LRR1: variants seen among roughly 807,000 people sequenced by gnomAD.
LRR1 encodes leucine-rich repeat protein 1.
A neutral mutation model predicts 31.6 loss-of-function variants in LRR1; 29 were observed. That is an observed-to-expected ratio of 0.92 (90% CI 0.68 to 1.25). The LOEUF (loss-of-function observed/expected upper bound fraction) is 1.25. Among genes scored for constraint, LRR1 ranks in the 50% most tolerant of loss-of-function variants. The pLI is 0.00. For missense variants in LRR1, 485 were observed against 487.2 expected (o/e 1.00, Z 0.04); for synonymous variants, 179 against 181.4 (o/e 0.99, Z 0.10).
Position 49,607,784 on chromosome 14 carries a change from A to C in LRR1, c.667A>C (p.Thr223Pro), listed in dbSNP as rs61754305. Reference protein sequence around the residue: ...ESFSVALCHSTLQKSLRSLDL... With the variant: ...ESFSVALCHSPLQKSLRSLDL... ...ATTTAGTGTAGCCTTGTGTCATTCT[A>C]CACTCCAGAAGTCACTTCGGAGTTT... The change falls in exon 3 of 4, where the codon ACA becomes CCA. Residue 223 changes from threonine (T) to proline (P), a missense_variant. Around this residue, in one of 3 missense-constraint regions of LRR1, gnomAD observed 15 missense variants for 37.2 expected, o/e 0.40. Coordinates refer to ENST00000298288, the MANE Select transcript of LRR1 (RefSeq NM_152329.4). 29 of 1,614,124 alleles carry C rather than the reference A, an allele frequency of 1.8e-5. No homozygotes were observed. The South Asian group carries it at 3.1e-4, about 17-fold the overall frequency.
intron 3 of LRR1, chr14:49,612,751 G>A: frequency 1.7e-6 from 1 of 585,488 alleles, no homozygotes; most frequent in Non-Finnish European, 2.2e-6. Context: ...CACCTATTAT[G>A]TGCCAGCCTA....
At chr14:49,611,848 C>T (rs1882522988) in intron 3 of LRR1, among the ~76,000 whole-genome samples, 1 of 150,694 alleles carries the variant, frequency 6.6e-6, no homozygotes, top group Non-Finnish European at 1.5e-5. Context: ...TGCTTGAACC[C>T]GGGAGGTTGA....
At chr14:49,612,726 T>A (rs934605812) in intron 3 of LRR1, 1 of 791,310 alleles carries the variant, frequency 1.3e-6, no homozygotes, top group Non-Finnish European at 1.6e-6. Flanking sequence ...GTTTATTTGT[T>A]GAAAAATATC....
chr14:49,606,408 G>A (rs1275690114), intron 2 of LRR1, among the ~76,000 whole-genome samples: 2 of 151,912 alleles, frequency 1.3e-5, no homozygotes, highest in East Asian at 1.9e-4. Context: ...GCGCGATCTC[G>A]GCTCACTGCA....
At chr14:49,599,909 C>A in intron 1 of LRR1, 2 of 969,260 alleles carry the variant, frequency 2.1e-6, no homozygotes, top group Non-Finnish European at 2.7e-6. Flanking sequence ...CGGCGGCGGA[C>A]CCTCCAGGCG....
chr14:49,599,416 C>T (rs1225276029), intron 1 of LRR1, among the ~76,000 whole-genome samples: 1 of 152,208 alleles, frequency 6.6e-6, no homozygotes, highest in Admixed American at 6.5e-5. Context: ...GAGAGTGTAC[C>T]TTTTCGCTAT....
At chr14:49,606,319 T>C (rs999510888) in intron 2 of LRR1, among the ~76,000 whole-genome samples, 2 of 148,336 alleles carry the variant, frequency 1.3e-5, no homozygotes, top group African/African-American at 2.5e-5. Flanking sequence ...GAGCCACCAG[T>C]CCCAGCCTTT....
At chr14:49,600,350 A>G (rs1362972434) in intron 1 of LRR1, 10 of 1,545,892 alleles carry the variant, frequency 6.5e-6, no homozygotes, top group East Asian at 2.2e-5. Context: ...TTTTATTAAT[A>G]GGAGCTCAGA....
rs531024722 is a variant in LRR1 at position 49,599,112 on chromosome 14, G to A, written c.92G>A (p.Ser31Asn). 1.2e-6 allele frequency: 2 copies of A among 1,608,644 alleles called. No homozygotes were observed. Among genetic ancestry groups the A allele is most frequent in the Non-Finnish European group, 1.7e-6 (2 of 1,177,922 alleles). ...GGCAAGGGCGTCCGAGCCGTGTTGA[G>A]CCTCTGTCAGCAGACTTCCAGGAGT... ...NRGKGVRAVL[S>N]LCQQTSRSQP... The change falls in exon 1 of 4, where the codon AGC becomes AAC. Residue 31 changes from serine to asparagine, a missense_variant. Physicochemically the swap from Ser to Asn is conservative, Grantham distance 46 (BLOSUM62 1). This residue lies in a region of LRR1 where 260 missense variants were observed against 249.6 expected (regional missense o/e 1.04). Transcript: ENST00000298288.
At chr14:49,600,535 C>G (rs1882015266) in intron 1 of LRR1, 1 of 1,564,868 alleles carries the variant, frequency 6.4e-7, no homozygotes, top group African/African-American at 1.4e-5. Flanking sequence ...GCTATCATAG[C>G]CATTTTAACT....
In LRR1 at chr14:49,599,013, T is replaced by C. The variant is rs367587395; in HGVS notation, c.-8T>C. Reference sequence around the variant, plus strand: ...GCCAGCTTGACGTGGTTGTGGCCGTTGGGCGAGATGAAGCTACACTGTGAG... The same window carrying C: ...GCCAGCTTGACGTGGTTGTGGCCGTCGGGCGAGATGAAGCTACACTGTGAG... On this transcript the variant is annotated 5_prime_UTR_variant, in exon 1 of 4. Coordinates refer to ENST00000298288, the MANE Select transcript of LRR1 (RefSeq NM_152329.4). The C allele has an allele frequency of 3.7e-6, 6 of 1,602,638 alleles. No homozygotes were observed. Among genetic ancestry groups the C allele is most frequent in the Non-Finnish European group, 4.3e-6 (5 of 1,174,176 alleles).
At chr14:49,612,606 C>A in intron 3 of LRR1, 1 of 1,122,562 alleles carries the variant, frequency 8.9e-7, no homozygotes, top group South Asian at 2.0e-5. Flanking sequence ...ATAGGGCCAT[C>A]CTAGATCCCG....
rs1292358748 is a variant in LRR1 at position 49,607,712 on chromosome 14, C to T, written c.595C>T (p.Leu199Phe). 6.2e-7 allele frequency: 1 copy of T among 1,612,772 alleles called. No individual in the cohort carries two copies. The highest frequency in any genetic ancestry group is 1.1e-5 in the South Asian group (1 of 91,014). Reference sequence around the variant, plus strand: ...AAAGCTTCCAGCTACAATTGGAGACCTCATACACCTTCAAGAACTTAACCT... The same window carrying T: ...AAAGCTTCCAGCTACAATTGGAGACTTCATACACCTTCAAGAACTTAACCT... ...IKKLPATIGD[L>F]IHLQELNLND... Residue 199 changes from leucine (L) to phenylalanine (F), a missense_variant, in exon 3 of 4, where the codon CTC (leucine) becomes TTC (phenylalanine). Coordinates refer to ENST00000298288, the MANE Select transcript of LRR1 (RefSeq NM_152329.4).
Position 49,607,642 on chromosome 14 carries a change from C to G in LRR1, c.525C>G (p.Cys175Trp). 1 of 1,614,020 alleles carries G rather than the reference C, an allele frequency of 6.2e-7. No homozygotes were observed. Among genetic ancestry groups the G allele is most frequent in the Non-Finnish European group, 8.5e-7 (1 of 1,179,990 alleles). ...GLVRVDMRML[C>W]LKSLRKLDLS... Reference sequence around the variant, plus strand: ...TCCGAGTTGATATGCGTATGCTTTGCTTAAAAAGCCTTAGGAAATTAGACT... The same window carrying G: ...TCCGAGTTGATATGCGTATGCTTTGGTTAAAAAGCCTTAGGAAATTAGACT... The change falls in exon 3 of 4, where the codon TGC becomes TGG. Residue 175 changes from cysteine to tryptophan, a missense_variant. Physicochemically the swap from Cys to Trp is radical, Grantham distance 215. Around this residue, in one of 3 missense-constraint regions of LRR1, gnomAD observed 260 missense variants for 249.6 expected, o/e 1.04. Transcript: ENST00000298288.
intron 2 of LRR1, chr14:49,603,627 C>A (rs910887744): frequency 9.4e-7 from 1 of 1,059,448 alleles, no homozygotes; most frequent in Non-Finnish European, 1.2e-6. Context: ...AGGTGGGTGC[C>A]ACCACTCCTG....
At position 49,599,136 on chromosome 14, in the gene LRR1, G is replaced by A. The variant is rs772501896; in HGVS notation, c.116G>A (p.Ser39Asn). ...AGCCTCTGTCAGCAGACTTCCAGGA[G>A]TCAGCCGCCGGTCCGAGCCTTCCTG... ...VLSLCQQTSR[S>N]QPPVRAFLLI... The change falls in exon 1 of 4, where the codon AGT becomes AAT. Residue 39 changes from serine to asparagine, a missense_variant. Ser to Asn is a conservative substitution (Grantham distance 46). This residue lies in a region of LRR1 where 260 missense variants were observed against 249.6 expected (regional missense o/e 1.04). Coordinates refer to ENST00000298288, the MANE Select transcript of LRR1 (RefSeq NM_152329.4). 3.7e-6 allele frequency: 6 copies of A among 1,608,184 alleles called. No individual in the cohort carries two copies. In the South Asian group the frequency reaches 5.6e-5, roughly 15 times the overall value.
intron 2 of LRR1, among the ~76,000 whole-genome samples, chr14:49,605,565 A>G (rs565521264): frequency 9.8e-5 from 15 of 152,312 alleles, no homozygotes; most frequent in African/African-American, 3.6e-4. Context: ...GAATTTGACA[A>G]TGATAATTAC....
intron 3 of LRR1, among the ~76,000 whole-genome samples, chr14:49,609,230 T>TTTTTTTTTC (rs1555326115): frequency 0.01 from 1,057 of 104,358 alleles, 96 homozygotes; most frequent in African/African-American, 0.032. Flanking sequence ...TTTTTTTTTT[T>TTTTTTTTTC]TTTTTTTTTT....
In LRR1 at chr14:49,601,628, C is replaced by T. The variant is rs1882056024; in HGVS notation, c.184-742C>T. On this transcript the variant is annotated intron_variant, in intron 1 of 3. Transcript: ENST00000298288. ...TACTGGGAGGTGTGCCCACCCCAGGCTAATGGACTGAAGTTATGAAGGCAA... is the reference window on the plus strand; with the variant it reads ...TACTGGGAGGTGTGCCCACCCCAGGTTAATGGACTGAAGTTATGAAGGCAA... 3.1e-6 allele frequency: 4 copies of T among 1,289,546 alleles called. No individual in the cohort carries two copies. In the South Asian group the frequency reaches 3.7e-5, roughly 12 times the overall value. The allele number at this position is 1,289,546 out of a possible 1,614,324, so 79.9% of individuals were successfully genotyped here. A position where few individuals can be genotyped will look rare whatever the true frequency, so the allele number is the denominator to read the frequency against.
Sources: gnomAD v4.1 joint callset for allele counts (sites outside exome capture counted in the v4.1 genomes callset) on GRCh38, gnomAD v4.1.1 for gene constraint, gnomAD v4.1.1 regional missense constraint, MANE v1.5 for transcripts, NCBI Gene and HGNC (gene_info 2026-07-23, HGNC 2026-07-21) for gene names.